ERBB4: variants seen among roughly 807,000 people sequenced by gnomAD.
ERBB4 encodes the protein erb-b2 receptor tyrosine kinase 4, also known as receptor tyrosine-protein kinase erbB-4.
A neutral mutation model predicts 158.0 loss-of-function variants in ERBB4; 42 were observed. That is an observed-to-expected ratio of 0.27 (90% CI 0.21 to 0.34). ERBB4 has a LOEUF of 0.34. Among genes scored for constraint, ERBB4 ranks in the 10% least tolerant of loss-of-function variants. The pLI, the probability that ERBB4 is intolerant of heterozygous loss-of-function variation, is 1.00. For missense variants in ERBB4, 1,333 were observed against 1,624.1 expected (o/e 0.82, Z 3.08); for synonymous variants, 583 against 558.7 (o/e 1.04, Z -0.61).
intron 1 of ERBB4, among the ~76,000 whole-genome samples, chr2:212,234,422 GA>G (rs2083779055): frequency 6.6e-6 from 1 of 152,130 alleles, no homozygotes; most frequent in Non-Finnish European, 1.5e-5. Flanking sequence ...TTGCTATTGT[GA>G]AAAGTGCTGC....
chr2:212,143,687 A>T (rs1208241341), intron 1 of ERBB4, among the ~76,000 whole-genome samples: 2 of 152,218 alleles, frequency 1.3e-5, no homozygotes, highest in East Asian at 1.9e-4. Context: ...GGACTCTACT[A>T]CAAGCCTCTT....
chr2:211,719,000 TG>T (rs1295959650), intron 7 of ERBB4, among the ~76,000 whole-genome samples: 12 of 152,350 alleles, frequency 7.9e-5, no homozygotes, highest in African/African-American at 2.9e-4. Flanking sequence ...TTCTGCTGGA[TG>T]GCTTTTTAAA....
chr2:211,746,513 C>T (rs2074977062), intron 5 of ERBB4, among the ~76,000 whole-genome samples: 1 of 151,992 alleles, frequency 6.6e-6, no homozygotes, highest in Non-Finnish European at 1.5e-5. Context: ...TTCCTCCCAC[C>T]TGTGTTTGGT....
chr2:211,783,735 A>C (rs2076089715), intron 4 of ERBB4, among the ~76,000 whole-genome samples: 1 of 152,168 alleles, frequency 6.6e-6, no homozygotes, highest in Admixed American at 6.5e-5. Flanking sequence ...ATCATGGTGG[A>C]TAAGCTTTTT....
In ERBB4 at chr2:212,124,921, T is replaced by C. The variant is rs767128773; in HGVS notation, c.83-18A>G. On this transcript the variant is annotated intron_variant, in intron 1 of 27. Transcript: ENST00000342788. ...TGCACACACTGCAAAGACAAGAAGA[T>C]ACACGTGAAATTACATAACCTTTAT... 6.2e-7 allele frequency: 1 copy of C among 1,613,936 alleles called. No homozygotes were observed. Among genetic ancestry groups the C allele is most frequent in the Admixed American group, 1.7e-5 (1 of 60,022 alleles).
At chr2:212,137,332 C>G (rs2080304069) in intron 1 of ERBB4, among the ~76,000 whole-genome samples, 1 of 152,128 alleles carries the variant, frequency 6.6e-6, no homozygotes, top group Admixed American at 6.6e-5. Flanking sequence ...TCCTCCCACT[C>G]TCACCCACCA....
chr2:212,140,861 G>C (rs1273069931), intron 1 of ERBB4, among the ~76,000 whole-genome samples: 1 of 150,644 alleles, frequency 6.6e-6, no homozygotes, highest in African/African-American at 2.4e-5. Context: ...GTGTGTGTGT[G>C]TGTGTGTGTG....
chr2:211,773,633 T>A (rs1393583096), intron 4 of ERBB4, among the ~76,000 whole-genome samples: 1 of 102,852 alleles, frequency 9.7e-6, no homozygotes, highest in African/African-American at 4.6e-5. Flanking sequence ...TATATATATA[T>A]ATATATATAT....
chr2:211,951,854 T>C (rs2080883589), intron 2 of ERBB4, among the ~76,000 whole-genome samples: 1 of 152,148 alleles, frequency 6.6e-6, no homozygotes, highest in Non-Finnish European at 1.5e-5. Flanking sequence ...CATCATTCCA[T>C]GTTAATGCTG....
chr2:211,741,500 A>T lies in ERBB4; in HGVS notation c.622+9139T>A, dbSNP rs114808621. ...ACACACACTAGATGACAGACAGATG[A>T]TAGAGAGAGAGAGAGAGAAAGATAA... On this transcript the variant is annotated intron_variant, in intron 5 of 27. Coordinates refer to ENST00000342788, the MANE Select transcript of ERBB4 (RefSeq NM_005235.3). Among the ~76,000 whole-genome samples, 291 of 148,858 alleles carry T rather than the reference A, an allele frequency of 2.0e-3. 3 individuals carry two copies. Among genetic ancestry groups the T allele is most frequent in the African/African-American group, 6.7e-3 (270 of 40,442 alleles).
At chr2:212,003,235 A>C (rs1386775099) in intron 2 of ERBB4, among the ~76,000 whole-genome samples, 2 of 146,628 alleles carry the variant, frequency 1.4e-5, no homozygotes, top group African/African-American at 2.5e-5. Context: ...GAAGGAAGGA[A>C]GGAAGGAAGG....
intron 20 of ERBB4, among the ~76,000 whole-genome samples, chr2:211,493,408 T>A (rs2065394047): frequency 6.6e-6 from 1 of 152,044 alleles, no homozygotes; most frequent in Admixed American, 6.6e-5. Context: ...GCAATTAACA[T>A]CTGGCCTGGA....
chr2:211,751,954 G>C (rs1021603515), intron 4 of ERBB4, among the ~76,000 whole-genome samples: 3 of 152,088 alleles, frequency 2.0e-5, no homozygotes, highest in African/African-American at 7.2e-5. Context: ...AAAGTACGGG[G>C]ATCTTTGCTA....
In ERBB4 at chr2:212,085,394, G is replaced by A. The variant is rs534920941; in HGVS notation, c.234+39358C>T. On this transcript the variant is annotated intron_variant, in intron 2 of 27. Coordinates refer to ENST00000342788, the MANE Select transcript of ERBB4 (RefSeq NM_005235.3). The stretch of plus-strand genomic sequence containing the variant: ...AGGCTGTATTTATATAGCTCATTCT[G>A]TACAGCACTGAATACAAATGAGTGA... Among the ~76,000 whole-genome samples, 3 of 151,892 alleles carry A rather than the reference G, an allele frequency of 2.0e-5. No homozygotes were observed. In the East Asian group the frequency reaches 5.8e-4, roughly 29 times the overall value.
chr2:211,827,893 A>G (rs115997511), intron 3 of ERBB4, among the ~76,000 whole-genome samples: 6,725 of 152,268 alleles, frequency 0.044, 253 homozygotes, highest in Non-Finnish European at 0.066. Context: ...TGAATGATAC[A>G]TTGATGGCTA....
chr2:212,119,157 T>C (rs966765185), intron 2 of ERBB4, among the ~76,000 whole-genome samples: 1 of 152,128 alleles, frequency 6.6e-6, no homozygotes, highest in Non-Finnish European at 1.5e-5. Context: ...TCTTAATGTA[T>C]ACTATTTCTA....
intron 3 of ERBB4, among the ~76,000 whole-genome samples, chr2:211,810,063 T>C (rs1296534068): frequency 6.6e-6 from 1 of 152,196 alleles, no homozygotes; most frequent in Non-Finnish European, 1.5e-5. Context: ...GATAGTTTGT[T>C]GTGATTTCTG....
At chr2:211,909,146 T>C (rs2079476215) in intron 3 of ERBB4, among the ~76,000 whole-genome samples, 1 of 151,730 alleles carries the variant, frequency 6.6e-6, no homozygotes, top group Admixed American at 6.6e-5. Flanking sequence ...GTCTTTATAG[T>C]GTGAAATATT....
chr2:211,869,799 A>AT (rs566442220), intron 3 of ERBB4, among the ~76,000 whole-genome samples: 228 of 152,248 alleles, frequency 1.5e-3, no homozygotes, highest in African/African-American at 5.3e-3. Context: ...TTATATTGAT[A>AT]TTTTTAACAT....
Sources: allele counts gnomAD v4.1 joint callset (sites outside exome capture counted in the v4.1 genomes callset), GRCh38; gene constraint gnomAD v4.1.1; transcripts MANE v1.5; gene names NCBI Gene and HGNC (gene_info 2026-07-23, HGNC 2026-07-21).